RCC2: variants seen among roughly 807,000 people sequenced by gnomAD.
The protein encoded by RCC2 is regulator of chromosome condensation 2.
RCC2 carries 19 observed loss-of-function variants against 64.1 expected under a neutral mutation model. That is an observed-to-expected ratio of 0.30 (90% CI 0.21 to 0.44). The LOEUF (loss-of-function observed/expected upper bound fraction) is 0.44, where lower values mean the gene tolerates loss of function less well. Ranked by LOEUF, RCC2 falls within the 20% of genes least tolerant of loss-of-function variation. The pLI is 1.00. For missense variants in RCC2, 508 were observed against 710.4 expected (o/e 0.72, Z 3.24); for synonymous variants, 325 against 279.6 (o/e 1.16, Z -1.62).
intron 7 of RCC2, among the ~76,000 whole-genome samples, chr1:17,420,150 C>T (rs1425970805): frequency 1.3e-5 from 2 of 152,138 alleles, no homozygotes; most frequent in Non-Finnish European, 2.9e-5. Context: ...AGAATGGAGA[C>T]CATCAGGTCG....
At chr1:17,438,198 G>C in intron 2 of RCC2, 32 bp downstream of exon 2, 2 of 1,192,644 alleles carry the variant, frequency 1.7e-6, no homozygotes, top group Non-Finnish European at 1.1e-6. Flanking sequence ...CCCCGGCCCT[G>C]CGCCCACCCG....
rs1206223251 is a variant in RCC2 at position 17,407,169 on chromosome 1, C to CT, written c.*1920dup. 6.6e-6 allele frequency: 1 copy of CT among 152,172 alleles called. No homozygotes were observed. Among genetic ancestry groups the CT allele is most frequent in the East Asian group, 1.9e-4 (1 of 5,184 alleles). 9.4% of individuals were successfully genotyped at this position (152,172 alleles called of 1,614,324 possible). On this transcript the variant is annotated 3_prime_UTR_variant, in exon 13 of 13. Transcript: ENST00000375436. ...GGGCTAGGGTTCTAGAAGAGGCTGG[C>CT]TGCCACGTTTACATGAGGCCACCGA...
chr1:17,438,244 T>C lies in RCC2; in HGVS notation c.271A>G (p.Thr91Ala), dbSNP rs1372730776. The C allele has an allele frequency of 8.3e-6, 11 of 1,322,820 alleles. No individual in the cohort carries two copies. The highest frequency in any genetic ancestry group is 1.1e-5 in the Non-Finnish European group (11 of 1,017,778). The allele number at this position is 1,322,820 out of a possible 1,614,324, so 81.9% of individuals were successfully genotyped here. ...AAVVITEPEH[T>A]KERVKLEGSK... ...CCCTCACTCACGACGCGCTCCTTGGTGTGCTCGGGTTCGGTGATGACCACG... is the reference window on the plus strand; with the variant it reads ...CCCTCACTCACGACGCGCTCCTTGGCGTGCTCGGGTTCGGTGATGACCACG... The change falls in exon 2 of 13, where the codon ACC becomes GCC. Residue 91 changes from threonine to alanine, a missense_variant. Physicochemically the swap from Thr to Ala is moderately conservative, Grantham distance 58. Coordinates refer to ENST00000375436, the MANE Select transcript of RCC2 (RefSeq NM_018715.4).
At chr1:17,435,918 C>CAA (rs57932179) in intron 2 of RCC2, among the ~76,000 whole-genome samples, 50 of 88,222 alleles carry the variant, frequency 5.7e-4, no homozygotes, top group African/African-American at 1.6e-3. Flanking sequence ...AACTCCAGCT[C>CAA]AAAAAAAAAA....
At chr1:17,433,518 T>C (rs1409175276) in intron 2 of RCC2, among the ~76,000 whole-genome samples, 1 of 152,208 alleles carries the variant, frequency 6.6e-6, no homozygotes, top group Non-Finnish European at 1.5e-5. Flanking sequence ...GCCTACGGAT[T>C]GTTTTTTTGG....
intron 2 of RCC2, among the ~76,000 whole-genome samples, chr1:17,430,808 A>T (rs934897430): frequency 6.6e-6 from 1 of 151,382 alleles, no homozygotes; most frequent in African/African-American, 2.4e-5. Context: ...GGCTTGCTGC[A>T]ACCTCTGCCT....
chr1:17,425,886 T>C (rs2075610243), intron 3 of RCC2, among the ~76,000 whole-genome samples: 1 of 152,112 alleles, frequency 6.6e-6, no homozygotes, highest in Non-Finnish European at 1.5e-5. Context: ...GGCCCAAAAA[T>C]CAAAATACCC....
intron 2 of RCC2, 26 bp from the exon 3 acceptor site, chr1:17,429,225 G>A: frequency 6.3e-7 from 1 of 1,576,706 alleles, no homozygotes. Context: ...AAGGAAAAAA[G>A]AATTAGTGTG....
intron 11 of RCC2, 130 bp downstream of exon 11, chr1:17,411,992 A>C (rs1472635700): frequency 2.5e-5 from 20 of 791,078 alleles, no homozygotes; most frequent in Non-Finnish European, 4.1e-5. Flanking sequence ...TGCAAACCTT[A>C]ATACAATAAG....
At chr1:17,424,825 T>G (rs148263210) in intron 4 of RCC2, among the ~76,000 whole-genome samples, 19 of 152,154 alleles carry the variant, frequency 1.2e-4, no homozygotes, top group Admixed American at 5.2e-4. Flanking sequence ...GCCCATACCC[T>G]ATGATTGGAA....
intron 2 of RCC2, among the ~76,000 whole-genome samples, chr1:17,431,784 C>T (rs186553536): frequency 1.0e-3 from 158 of 152,020 alleles, no homozygotes; most frequent in African/African-American, 3.6e-3. Flanking sequence ...TACAGGAATG[C>T]ATCCTGCAGT....
chr1:17,438,094 C>T (rs1318521226), intron 2 of RCC2, 136 bp downstream of exon 2: 6 of 541,496 alleles, frequency 1.1e-5, no homozygotes, highest in Non-Finnish European at 1.5e-5. Context: ...TGATTCAGCC[C>T]GCGGCCTGCG....
intron 4 of RCC2, among the ~76,000 whole-genome samples, 188 bp from the exon 5 acceptor site, chr1:17,423,024 C>T (rs1304283322): frequency 6.6e-6 from 1 of 152,226 alleles, no homozygotes; most frequent in Non-Finnish European, 1.5e-5. Flanking sequence ...ATGGCGCCTG[C>T]TGCAGCTCCC....
At chr1:17,413,315 T>C in intron 9 of RCC2, 137 bp from the exon 10 acceptor site, 2 of 842,888 alleles carry the variant, frequency 2.4e-6, no homozygotes, top group Non-Finnish European at 1.9e-6. Context: ...CCAGGCGTGG[T>C]GGCGTGCCTG....
chr1:17,414,526 TCTC>T, intron 8 of RCC2, among the ~76,000 whole-genome samples: 1 of 116,654 alleles, frequency 8.6e-6, no homozygotes. Flanking sequence ...TGAGACTCCA[TCTC>T]AAAAAAAAAA....
At chr1:17,409,945 C>T in intron 12 of RCC2, 29 bp downstream of exon 12, 1 of 1,596,126 alleles carries the variant, frequency 6.3e-7, no homozygotes, top group Middle Eastern at 1.7e-4. Flanking sequence ...CGGACACGTC[C>T]CCGAGCTGGC....
At chr1:17,437,782 C>T (rs1332716382) in intron 2 of RCC2, among the ~76,000 whole-genome samples, 1 of 146,948 alleles carries the variant, frequency 6.8e-6, no homozygotes, top group Non-Finnish European at 1.5e-5. Flanking sequence ...CGCCGGCCGC[C>T]CCCTCCCCGC....
At chr1:17,419,978 C>G (rs1380354957) in intron 7 of RCC2, among the ~76,000 whole-genome samples, 1 of 152,242 alleles carries the variant, frequency 6.6e-6, no homozygotes, top group Non-Finnish European at 1.5e-5. Context: ...CTATTTTTAC[C>G]TTTTCCATCT....
At chr1:17,424,128 T>C (rs2075587606) in intron 4 of RCC2, among the ~76,000 whole-genome samples, 1 of 152,190 alleles carries the variant, frequency 6.6e-6, no homozygotes, top group African/African-American at 2.4e-5. Flanking sequence ...GGGCCACAGA[T>C]GGAGACCCCA....
Sources: allele counts gnomAD v4.1 joint callset (sites outside exome capture counted in the v4.1 genomes callset), GRCh38; gene constraint gnomAD v4.1.1; transcripts MANE v1.5; gene names NCBI Gene and HGNC (gene_info 2026-07-23, HGNC 2026-07-21).